The following INO80C variants were observed in gnomAD, a reference collection of about 807,000 sequenced individuals.
INO80C encodes INO80 complex subunit C.
Under a neutral mutation model 17.7 loss-of-function variants are expected in INO80C, and 17 were observed. That is an observed-to-expected ratio of 0.96 (90% CI 0.66 to 1.44). The LOEUF is 1.44. Ranked by LOEUF, INO80C falls within the 40% of genes most tolerant of loss-of-function variation. The probability of loss-of-function intolerance (pLI) is 0.00; values close to 1 mark genes in which losing one functional copy is unlikely to be tolerated. For synonymous variants in INO80C, 96 were observed against 95.8 expected, an observed-to-expected ratio of 1.00 and a Z score of -0.01; for missense variants, 244 against 245.0, an observed-to-expected ratio of 1.00 and a Z score of 0.03.
At chr18:35,490,417 AG>A (rs1237842018) in intron 1 of INO80C, among the ~76,000 whole-genome samples, 1 of 152,236 alleles carries the variant, frequency 6.6e-6, no homozygotes, top group Non-Finnish European at 1.5e-5. Flanking sequence ...CACCCCCACT[AG>A]GGACAACTTC....
At chr18:35,479,149 A>AC in intron 3 of INO80C, 151 bp downstream of exon 3, 2 of 592,054 alleles carry the variant, frequency 3.4e-6, no homozygotes, top group Non-Finnish European at 3.0e-6. Flanking sequence ...GAAAATACAC[A>AC]CATAATCTGC....
At chr18:35,492,719 G>A (rs1273737154) in intron 1 of INO80C, among the ~76,000 whole-genome samples, 1 of 152,126 alleles carries the variant, frequency 6.6e-6, no homozygotes, top group South Asian at 2.1e-4. Context: ...AATTACAGAA[G>A]ATTCTCTCAT....
At chr18:35,497,611 A>G (rs756747867) in intron 1 of INO80C, 108 bp downstream of exon 1, 8 of 1,464,358 alleles carry the variant, frequency 5.5e-6, no homozygotes, top group African/African-American at 1.4e-5. Context: ...ACCCCAACGG[A>G]GACCGCACGC....
intron 1 of INO80C, among the ~76,000 whole-genome samples, chr18:35,488,810 CT>C (rs1432300318): frequency 6.6e-6 from 1 of 152,152 alleles, no homozygotes; most frequent in Non-Finnish European, 1.5e-5. Flanking sequence ...CTCTGTTTCC[CT>C]TTTAAAACGG....
At chr18:35,479,079 C>A in intron 3 of INO80C, 1 of 421,482 alleles carries the variant, frequency 2.4e-6, no homozygotes, top group South Asian at 4.6e-5. Context: ...ACCTATGACC[C>A]TAAAAACCAC....
intron 1 of INO80C, among the ~76,000 whole-genome samples, chr18:35,486,277 G>A (rs1340642896): frequency 6.6e-6 from 1 of 152,192 alleles, no homozygotes; most frequent in African/African-American, 2.4e-5. Context: ...GCCACATATT[G>A]TATAATTCCA....
At chr18:35,484,095 C>T (rs1479807182) in intron 1 of INO80C, among the ~76,000 whole-genome samples, 5 of 151,964 alleles carry the variant, frequency 3.3e-5, no homozygotes, top group Non-Finnish European at 7.4e-5. Context: ...CTATGTAATC[C>T]AAGGTTAAAG....
chr18:35,475,573 G>A (rs971539998), intron 4 of INO80C, among the ~76,000 whole-genome samples: 1 of 152,054 alleles, frequency 6.6e-6, no homozygotes, highest in Non-Finnish European at 1.5e-5. Context: ...GGGAGGCTGA[G>A]GTAGATGCAT....
chr18:35,477,610 G>C (rs2045752246), intron 4 of INO80C, among the ~76,000 whole-genome samples: 1 of 151,902 alleles, frequency 6.6e-6, no homozygotes, highest in Admixed American at 6.5e-5. Flanking sequence ...AACAAAAAAA[G>C]ATGAATCTTA....
At position 35,493,581 on chromosome 18, in the gene INO80C, C is replaced by T. The variant is rs200453498; in HGVS notation, c.156+4138G>A. Among the ~76,000 whole-genome samples the T allele has an allele frequency of 2.0e-5, 3 of 152,310 alleles. No individual in the cohort carries two copies. In the East Asian group the frequency reaches 5.8e-4, roughly 29 times the overall value. On this transcript the variant is annotated intron_variant, in intron 1 of 4. Transcript: ENST00000334598. ...GATGTAAAGAAGGCTTCTATAAATG[C>T]TTTTCTCAGAATACTTTTAGCTGAA...
intron 4 of INO80C, among the ~76,000 whole-genome samples, chr18:35,475,944 T>C (rs1248275834): frequency 6.6e-6 from 1 of 152,190 alleles, no homozygotes; most frequent in Non-Finnish European, 1.5e-5. Context: ...ATACATTTTG[T>C]TTGTAGCATA....
intron 1 of INO80C, among the ~76,000 whole-genome samples, chr18:35,492,516 G>T (rs1428515609): frequency 1.3e-5 from 2 of 149,902 alleles, no homozygotes; most frequent in Non-Finnish European, 3.0e-5. Flanking sequence ...AAGGAGATTG[G>T]GTGACTTTTT....
chr18:35,497,603 C>A, intron 1 of INO80C, 116 bp downstream of exon 1: 1 of 1,454,078 alleles, frequency 6.9e-7, no homozygotes. Context: ...GTCTTTCAAC[C>A]CCAACGGAGA....
At chr18:35,485,049 C>T (rs1598745372) in intron 1 of INO80C, among the ~76,000 whole-genome samples, 1 of 152,120 alleles carries the variant, frequency 6.6e-6, no homozygotes, top group Non-Finnish European at 1.5e-5. Context: ...CCTGGAGTCT[C>T]TCCCTCTTCT....
chr18:35,481,002 T>C (rs746236620), intron 1 of INO80C, among the ~76,000 whole-genome samples: 1 of 152,198 alleles, frequency 6.6e-6, no homozygotes, highest in Non-Finnish European at 1.5e-5. Context: ...ATAATCTCCA[T>C]GACACCACAC....
intron 1 of INO80C, among the ~76,000 whole-genome samples, chr18:35,487,234 C>A (rs1016198512): frequency 6.6e-6 from 1 of 152,188 alleles, no homozygotes; most frequent in Admixed American, 6.5e-5. Flanking sequence ...GAGGAAATAT[C>A]AGACAGGCCC....
chr18:35,478,828 C>G (rs113350799), intron 3 of INO80C, among the ~76,000 whole-genome samples: 6 of 152,306 alleles, frequency 3.9e-5, no homozygotes, highest in African/African-American at 1.4e-4. Context: ...CTTGTACTTT[C>G]CAGTGAAGCT....
chr18:35,486,416 T>A (rs759871215), intron 1 of INO80C, among the ~76,000 whole-genome samples: 2 of 152,178 alleles, frequency 1.3e-5, no homozygotes, highest in African/African-American at 2.4e-5. Context: ...AACAGGAATA[T>A]CCTAAAATTA....
At chr18:35,488,923 C>T (rs528501732) in intron 1 of INO80C, among the ~76,000 whole-genome samples, 120 of 152,256 alleles carry the variant, frequency 7.9e-4, no homozygotes, top group African/African-American at 2.8e-3. Context: ...CAAAGTTCCA[C>T]ATACCTCTAG....
Sources: allele counts gnomAD v4.1 joint callset (sites outside exome capture counted in the v4.1 genomes callset), GRCh38; gene constraint gnomAD v4.1.1; transcripts MANE v1.5; gene names NCBI Gene and HGNC (gene_info 2026-07-23, HGNC 2026-07-21).